CPA6: variants seen among roughly 807,000 people sequenced by gnomAD.
CPA6 encodes the protein carboxypeptidase A6, also known as carboxypeptidase B.
CPA6 carries 58 observed loss-of-function variants against 63.3 expected under a neutral mutation model. That is an observed-to-expected ratio of 0.92 (90% CI 0.74 to 1.14). The LOEUF is 1.14. CPA6 is among the 50% of genes most tolerant of loss of function. The probability of loss-of-function intolerance (pLI) is 0.00; values close to 1 mark genes in which losing one functional copy is unlikely to be tolerated. For synonymous variants in CPA6, 185 were observed against 179.0 expected (o/e 1.03, Z -0.27); for missense variants, 565 against 526.6 (o/e 1.07, Z -0.71).
chr8:67,503,371 A>T (rs1487736052), intron 6 of CPA6, among the ~76,000 whole-genome samples: 1 of 151,768 alleles, frequency 6.6e-6, no homozygotes, highest in Non-Finnish European at 1.5e-5. Flanking sequence ...ATCACAGCTC[A>T]CTGCAGCTTT....
At chr8:67,511,836 A>G (rs923819979) in intron 3 of CPA6, among the ~76,000 whole-genome samples, 181 bp from the exon 4 acceptor site, 3 of 152,238 alleles carry the variant, frequency 2.0e-5, no homozygotes, top group African/African-American at 7.2e-5. Context: ...AATAAGTGGT[A>G]TAATGAATTT....
chr8:67,737,884 T>C (rs1817843983), intron 1 of CPA6, among the ~76,000 whole-genome samples: 1 of 152,218 alleles, frequency 6.6e-6, no homozygotes, highest in Non-Finnish European at 1.5e-5. Context: ...TAGTCTTAAC[T>C]CTAGTGCTAG....
rs143979176 is a variant in CPA6, at chr8:67,548,525, T to C, written c.193-30478A>G. Among the ~76,000 whole-genome samples, 386 of 152,100 alleles carry C rather than the reference T, an allele frequency of 2.5e-3. 1 individual carries two copies. The highest frequency in any genetic ancestry group is 8.6e-3 in the African/African-American group (355 of 41,512). On this transcript the variant is annotated intron_variant, in intron 2 of 10. Coordinates refer to ENST00000297770, the MANE Select transcript of CPA6 (RefSeq NM_020361.5). The stretch of plus-strand genomic sequence containing the variant: ...TCGGCCTCCCAAAGTGCTGGGATTA[T>C]AGGCATGAGCCACTGTGCCCAGTAG...
intron 1 of CPA6, among the ~76,000 whole-genome samples, chr8:67,707,098 A>T (rs180808663): frequency 1.8e-4 from 28 of 152,276 alleles, no homozygotes; most frequent in African/African-American, 6.3e-4. Context: ...ACAGACAATT[A>T]TTGTCTTATT....
chr8:67,645,457 C>T (rs1260006236), intron 1 of CPA6, among the ~76,000 whole-genome samples: 1 of 152,098 alleles, frequency 6.6e-6, no homozygotes, highest in African/African-American at 2.4e-5. Flanking sequence ...TATCTACTGG[C>T]ATATCCTAGA....
intron 2 of CPA6, chr8:67,569,379 T>G (rs919733730): frequency 5.1e-6 from 1 of 197,404 alleles, no homozygotes; most frequent in Non-Finnish European, 1.1e-5. Context: ...ATTCATTACT[T>G]TCTGCCACCA....
At chr8:67,599,845 T>C (rs923777586) in intron 2 of CPA6, among the ~76,000 whole-genome samples, 1 of 152,128 alleles carries the variant, frequency 6.6e-6, no homozygotes, top group African/African-American at 2.4e-5. Context: ...TCTGCAAAAA[T>C]CTGCCAGAGG....
At chr8:67,637,981 T>TTGTG (rs3055710) in intron 1 of CPA6, among the ~76,000 whole-genome samples, 3,762 of 146,560 alleles carry the variant, frequency 0.026, 108 homozygotes, top group South Asian at 0.08. Flanking sequence ...GCTAGAAATT[T>TTGTG]TGTGTGTGTG....
At chr8:67,607,175 T>C (rs867220212) in intron 2 of CPA6, among the ~76,000 whole-genome samples, 97 of 7,270 alleles carry the variant, frequency 0.013, 9 homozygotes, top group Non-Finnish European at 0.015. Flanking sequence ...CTTCCTCTTC[T>C]TCTTCTTCTT....
chr8:67,696,457 A>C (rs954499898), intron 1 of CPA6, among the ~76,000 whole-genome samples: 1 of 152,236 alleles, frequency 6.6e-6, no homozygotes, highest in Non-Finnish European at 1.5e-5. Context: ...TTCTTTGGAC[A>C]GTTTGATGGC....
intron 1 of CPA6, among the ~76,000 whole-genome samples, chr8:67,723,900 T>C (rs1187169265): frequency 6.6e-6 from 1 of 152,170 alleles, no homozygotes; most frequent in East Asian, 1.9e-4. Flanking sequence ...GAAAAACTAA[T>C]GGTGGATTTG....
intron 8 of CPA6, among the ~76,000 whole-genome samples, chr8:67,447,061 TATACACAC>T (rs1810439336): frequency 3.4e-5 from 5 of 145,352 alleles, no homozygotes; most frequent in Admixed American, 2.8e-4. Flanking sequence ...CACACATATA[TATACACAC>T]ATATATACAC....
chr8:67,679,457 C>A (rs1194523675), intron 1 of CPA6, among the ~76,000 whole-genome samples: 2 of 152,102 alleles, frequency 1.3e-5, no homozygotes, highest in African/African-American at 2.4e-5. Flanking sequence ...CTCTGAAAGT[C>A]TTTTTATTGA....
chr8:67,603,831 G>A (rs954408647), intron 2 of CPA6, among the ~76,000 whole-genome samples: 12 of 152,274 alleles, frequency 7.9e-5, no homozygotes, highest in African/African-American at 2.6e-4. Flanking sequence ...GCAATAGTTT[G>A]GTTTTGCTTT....
intron 2 of CPA6, among the ~76,000 whole-genome samples, chr8:67,562,029 T>G (rs2128974650): frequency 6.6e-6 from 1 of 152,294 alleles, no homozygotes; most frequent in East Asian, 1.9e-4. Context: ...CATGAGAATT[T>G]ATAATGGTGA....
intron 8 of CPA6, among the ~76,000 whole-genome samples, chr8:67,473,134 CT>C (rs1482114119): frequency 6.6e-6 from 1 of 152,148 alleles, no homozygotes; most frequent in Non-Finnish European, 1.5e-5. Flanking sequence ...TAGAAAATAG[CT>C]CTGAATAGGA....
chr8:67,593,402 C>A (rs1452222909), intron 2 of CPA6, among the ~76,000 whole-genome samples: 1 of 152,032 alleles, frequency 6.6e-6, no homozygotes, highest in African/African-American at 2.4e-5. Flanking sequence ...CTATTAGGTC[C>A]GCTTGGTGCA....
chr8:67,700,112 C>T (rs2128998563), intron 1 of CPA6, among the ~76,000 whole-genome samples: 1 of 152,282 alleles, frequency 6.6e-6, no homozygotes, highest in South Asian at 2.1e-4. Context: ...ACATACTTCT[C>T]TAAGCAACAT....
rs1464702838 is a variant in CPA6 at position 67,462,813 on chromosome 8, TCCTTGATCTCAATACTG to T, written c.838+20938_838+20954del. Among the ~76,000 whole-genome samples the T allele has an allele frequency of 2.6e-5, 4 of 152,302 alleles. No homozygotes were observed. In the East Asian group the frequency reaches 7.7e-4, roughly 30 times the overall value. On this transcript the variant is annotated intron_variant, in intron 8 of 10. Transcript: ENST00000297770. ...ACAGTGAAGAAAATTAGAATCTGTT[TCCTTGATCTCAATACTG>T]CCTGAAGAAACATTCCAAAGTAGCA...
Sources: gnomAD v4.1 joint callset for allele counts (sites outside exome capture counted in the v4.1 genomes callset) on GRCh38, gnomAD v4.1.1 for gene constraint, MANE v1.5 for transcripts, NCBI Gene and HGNC (gene_info 2026-07-23, HGNC 2026-07-21) for gene names.